TMEFF2: variants seen among roughly 807,000 people sequenced by gnomAD.
TMEFF2 encodes the protein tomoregulin-2.
Under a neutral mutation model 53.8 loss-of-function variants are expected in TMEFF2, and 28 were observed. That is an observed-to-expected ratio of 0.52 (90% CI 0.39 to 0.71). The LOEUF is 0.71. Ranked by LOEUF, TMEFF2 falls within the 30% of genes least tolerant of loss-of-function variation. The probability of loss-of-function intolerance (pLI) is 0.00; values close to 1 mark genes in which losing one functional copy is unlikely to be tolerated. For synonymous variants in TMEFF2, 162 were observed against 166.3 expected (o/e 0.97, Z 0.20); for missense variants, 353 against 455.2 (o/e 0.78, Z 2.04).
At chr2:192,132,654 G>A (rs1269864775) in intron 4 of TMEFF2, among the ~76,000 whole-genome samples, 1 of 152,076 alleles carries the variant, frequency 6.6e-6, no homozygotes, top group Non-Finnish European at 1.5e-5. Flanking sequence ...CTGAACTGCA[G>A]CGGCCAGGCG....
intron 4 of TMEFF2, among the ~76,000 whole-genome samples, chr2:192,083,632 C>T (rs1185508615): frequency 2.0e-5 from 3 of 151,564 alleles, no homozygotes; most frequent in Non-Finnish European, 2.9e-5. Flanking sequence ...CTCTACATAG[C>T]GGTTACCATA....
intron 4 of TMEFF2, among the ~76,000 whole-genome samples, chr2:192,171,111 G>A (rs771846595): frequency 1.1e-4 from 16 of 151,734 alleles, no homozygotes; most frequent in Non-Finnish European, 1.9e-4. Flanking sequence ...AATACTATCT[G>A]GAATTAAAAA....
chr2:192,158,463 A>G (rs555440737), intron 4 of TMEFF2, among the ~76,000 whole-genome samples: 9 of 152,162 alleles, frequency 5.9e-5, no homozygotes, highest in Non-Finnish European at 1.0e-4. Context: ...TTCCTAATAA[A>G]TTTTAAAATA....
intron 5 of TMEFF2, chr2:192,030,392 A>G (rs1464576428): frequency 5.9e-5 from 9 of 152,138 alleles, no homozygotes; most frequent in Non-Finnish European, 1.2e-4. Context: ...TGGTGATAGC[A>G]AAGTGTAAGC....
intron 4 of TMEFF2, among the ~76,000 whole-genome samples, chr2:192,122,021 T>C (rs1279631914): frequency 6.6e-6 from 1 of 152,182 alleles, no homozygotes; most frequent in African/African-American, 2.4e-5. Flanking sequence ...TTATTGTACA[T>C]TTTAAAATAG....
chr2:192,091,939 T>C (rs2105935309), intron 4 of TMEFF2, among the ~76,000 whole-genome samples: 1 of 152,296 alleles, frequency 6.6e-6, no homozygotes, highest in South Asian at 2.1e-4. Flanking sequence ...AGGATTTTTC[T>C]TTTATGTTAG....
intron 4 of TMEFF2, among the ~76,000 whole-genome samples, chr2:192,069,148 T>G (rs1351910562): frequency 6.6e-6 from 1 of 151,820 alleles, no homozygotes; most frequent in Non-Finnish European, 1.5e-5. Flanking sequence ...ATTTCTCTTT[T>G]GCTATTGGCT....
At chr2:192,005,268 A>G (rs1046833850) in intron 5 of TMEFF2, among the ~76,000 whole-genome samples, 1 of 152,072 alleles carries the variant, frequency 6.6e-6, no homozygotes, top group Non-Finnish European at 1.5e-5. Flanking sequence ...TAACTATCTC[A>G]TCAATATTTT....
Position 192,194,629 on chromosome 2 carries a change from G to C in TMEFF2, c.-105C>G, listed in dbSNP as rs1691561053. 1.5e-6 allele frequency: 2 copies of C among 1,379,136 alleles called. No homozygotes were observed. Among genetic ancestry groups the C allele is most frequent in the Non-Finnish European group, 2.0e-6 (2 of 1,012,554 alleles). 85.4% of individuals were successfully genotyped at this position (1,379,136 alleles called of 1,614,324 possible). A position where few individuals can be genotyped will look rare whatever the true frequency, so the allele number is the denominator to read the frequency against. ...GCATCCCGCGGACGGCGGCAGCAGA[G>C]GCGGCGGCGGTGGCAGTGGCACCCG... On this transcript the variant is annotated 5_prime_UTR_variant, in exon 1 of 10. Coordinates refer to ENST00000272771, the MANE Select transcript of TMEFF2 (RefSeq NM_016192.4). This position sits in a 1 kb window ranked among gnomAD's most constrained non-coding sequence, Gnocchi z 4.2.
chr2:192,120,739 A>AC (rs745518695), intron 4 of TMEFF2, among the ~76,000 whole-genome samples: 7 of 151,672 alleles, frequency 4.6e-5, no homozygotes, highest in Non-Finnish European at 8.8e-5. Context: ...TATTGAATAA[A>AC]CATTTTTTTT....
chr2:191,978,961 A>G (rs917420116), intron 7 of TMEFF2, among the ~76,000 whole-genome samples: 2 of 152,172 alleles, frequency 1.3e-5, no homozygotes, highest in African/African-American at 4.8e-5. Context: ...TAACTCCTCC[A>G]GGAGCTGGGA....
chr2:192,164,718 C>T (rs1481585324), intron 4 of TMEFF2, among the ~76,000 whole-genome samples: 2 of 111,142 alleles, frequency 1.8e-5, no homozygotes, highest in South Asian at 2.7e-4. Context: ...CATAGCGAGA[C>T]TTCGTCTCAA....
chr2:192,060,096 G>A (rs1688008579), intron 4 of TMEFF2, among the ~76,000 whole-genome samples: 1 of 150,342 alleles, frequency 6.7e-6, no homozygotes, highest in Admixed American at 6.6e-5. Flanking sequence ...ATACTGAATT[G>A]GACTTAGTTT....
chr2:192,182,787 T>C (rs1392391433), intron 3 of TMEFF2, among the ~76,000 whole-genome samples: 1 of 152,018 alleles, frequency 6.6e-6, no homozygotes, highest in Non-Finnish European at 1.5e-5. Context: ...TTTGCCTTCA[T>C]CCTTCCTGGT....
intron 4 of TMEFF2, among the ~76,000 whole-genome samples, chr2:192,130,663 T>C (rs1326523167): frequency 6.6e-6 from 1 of 151,950 alleles, no homozygotes; most frequent in Non-Finnish European, 1.5e-5. Flanking sequence ...ACTGTAATTT[T>C]CCATTACCTT....
At chr2:191,969,349 T>TTA (rs1692565581) in intron 7 of TMEFF2, among the ~76,000 whole-genome samples, 1 of 152,062 alleles carries the variant, frequency 6.6e-6, no homozygotes, top group Non-Finnish European at 1.5e-5. Context: ...CATCACCACT[T>TTA]CAGTGAAATG....
intron 4 of TMEFF2, among the ~76,000 whole-genome samples, chr2:192,126,039 GA>G (rs1689668991): frequency 1.3e-5 from 2 of 152,064 alleles, no homozygotes; most frequent in Admixed American, 1.3e-4. Context: ...AAAAGTTAAA[GA>G]AACAAAAGTT....
At position 192,081,207 on chromosome 2, in the gene TMEFF2, A is replaced by G. The variant is rs532269004; in HGVS notation, c.440-23432T>C. On this transcript the variant is annotated intron_variant, in intron 4 of 9. Coordinates refer to ENST00000272771, the MANE Select transcript of TMEFF2 (RefSeq NM_016192.4). Reference sequence around the variant, plus strand: ...TTGCTGCATAGCTTATTGGTTTACCACAAATCTGCAGAAAATGCAGTGTGC... The same window carrying G: ...TTGCTGCATAGCTTATTGGTTTACCGCAAATCTGCAGAAAATGCAGTGTGC... 2.0e-5 allele frequency among the ~76,000 whole-genome samples: 3 copies of G among 152,364 alleles called. No individual in the cohort carries two copies. In the South Asian group the frequency reaches 6.2e-4, roughly 32 times the overall value.
At chr2:192,140,023 T>C (rs1435086107) in intron 4 of TMEFF2, among the ~76,000 whole-genome samples, 6 of 152,144 alleles carry the variant, frequency 3.9e-5, no homozygotes, top group Admixed American at 6.5e-5. Context: ...GACTCAAAGC[T>C]GGAAAAAACT....
Sources: gnomAD v4.1 joint callset for allele counts (sites outside exome capture counted in the v4.1 genomes callset) on GRCh38, gnomAD v4.1.1 for gene constraint, Gnocchi (gnomAD v3.1) non-coding constraint, MANE v1.5 for transcripts, NCBI Gene and HGNC (gene_info 2026-07-23, HGNC 2026-07-21) for gene names.